The following KIAA1958 variants were observed in gnomAD, a reference collection of about 807,000 sequenced individuals.
KIAA1958 encodes uncharacterized protein KIAA1958.
In KIAA1958, 14 loss-of-function variants were observed where a neutral mutation model predicts 47.2. That is an observed-to-expected ratio of 0.30 (90% CI 0.20 to 0.46). The LOEUF (loss-of-function observed/expected upper bound fraction) is 0.46, where lower values mean the gene tolerates loss of function less well. Ranked by LOEUF, KIAA1958 falls within the 20% of genes least tolerant of loss-of-function variation. The probability of loss-of-function intolerance (pLI) is 1.00; values close to 1 mark genes in which losing one functional copy is unlikely to be tolerated. For missense variants in KIAA1958, 803 were observed against 909.2 expected (o/e 0.88, Z 1.50); for synonymous variants, 354 against 353.3 (o/e 1.00, Z -0.02).
Position 112,571,006 on chromosome 9 carries a change from A to G in KIAA1958, c.-24-3051A>G, listed in dbSNP as rs138929203. On this transcript the variant is annotated intron_variant, in intron 1 of 3. Transcript: ENST00000337530. ...GTCCAAGGCAGCGAAAAAGAAGCCTATGCTAGCTCTCAGAGAGAGAACAAT... is the reference window on the plus strand; with the variant it reads ...GTCCAAGGCAGCGAAAAAGAAGCCTGTGCTAGCTCTCAGAGAGAGAACAAT... 5.8e-4 allele frequency among the ~76,000 whole-genome samples: 88 copies of G among 152,326 alleles called. 1 individual carries two copies. Among genetic ancestry groups the G allele is most frequent in the African/African-American group, 2.1e-3 (88 of 41,576 alleles).
At chr9:112,597,776 C>G (rs1836058925) in intron 2 of KIAA1958, among the ~76,000 whole-genome samples, 1 of 152,078 alleles carries the variant, frequency 6.6e-6, no homozygotes, top group South Asian at 2.1e-4. Flanking sequence ...AGTAAAGTTT[C>G]TAGAAATGAA....
intron 1 of KIAA1958, among the ~76,000 whole-genome samples, chr9:112,502,674 C>G (rs1834163188): frequency 6.6e-6 from 1 of 152,178 alleles, no homozygotes; most frequent in Non-Finnish European, 1.5e-5. Context: ...TTCAATGAAG[C>G]AGTCTAAATT....
intron 2 of KIAA1958, among the ~76,000 whole-genome samples, chr9:112,613,811 T>A (rs763256494): frequency 7.2e-5 from 11 of 152,200 alleles, no homozygotes; most frequent in Non-Finnish European, 1.6e-4. Flanking sequence ...CTTTTCCTCA[T>A]GGTGGGGAAA....
At chr9:112,584,103 G>A (rs1328126043) in intron 2 of KIAA1958, among the ~76,000 whole-genome samples, 1 of 152,012 alleles carries the variant, frequency 6.6e-6, no homozygotes. Flanking sequence ...ATGAGTTTAT[G>A]TTAACAGGAG....
chr9:112,497,009 A>AT (rs1007081717), intron 1 of KIAA1958, among the ~76,000 whole-genome samples: 2 of 151,894 alleles, frequency 1.3e-5, no homozygotes, highest in Non-Finnish European at 2.9e-5. Context: ...TTGTCCACCT[A>AT]TTTTGTTATC....
At chr9:112,526,496 T>C (rs1483803647) in intron 1 of KIAA1958, among the ~76,000 whole-genome samples, 1 of 152,164 alleles carries the variant, frequency 6.6e-6, no homozygotes, top group Non-Finnish European at 1.5e-5. Context: ...TCCACCCGCC[T>C]CAGCCTCCCA....
At chr9:112,615,593 T>C (rs1836396376) in intron 2 of KIAA1958, among the ~76,000 whole-genome samples, 3 of 152,218 alleles carry the variant, frequency 2.0e-5, no homozygotes, top group Admixed American at 6.5e-5. Context: ...CAGAATATTC[T>C]AGTTCTAGTT....
At chr9:112,644,810 A>G (rs986651450) in intron 2 of KIAA1958, among the ~76,000 whole-genome samples, 2 of 152,010 alleles carry the variant, frequency 1.3e-5, no homozygotes, top group African/African-American at 4.8e-5. Context: ...ACCTCTCTCT[A>G]TGAATTTTGT....
chr9:112,656,375 A>G (rs1837151429), intron 3 of KIAA1958, among the ~76,000 whole-genome samples: 5 of 97,290 alleles, frequency 5.1e-5, no homozygotes, highest in Non-Finnish European at 1.1e-4. Flanking sequence ...TCTGTCTCAA[A>G]AAAAAAAAAA....
rs142052605 is a variant in KIAA1958, at chr9:112,561,389, A to G, written c.-24-12668A>G. ...AAATTCTTAATAGAACTGCAGCAAA[A>G]TTATTTCTTGTATCATTAGTTCTTT... On this transcript the variant is annotated intron_variant, in intron 1 of 3. Coordinates refer to ENST00000337530, the MANE Select transcript of KIAA1958 (RefSeq NM_133465.4). Among the ~76,000 whole-genome samples the G allele has an allele frequency of 2.4e-3, 364 of 152,194 alleles. 2 individuals are homozygous for G. The highest frequency in any genetic ancestry group is 8.3e-3 in the African/African-American group (344 of 41,530).
chr9:112,574,053 T>C lies in KIAA1958; in HGVS notation c.-24-4T>C. 7.0e-7 allele frequency: 1 copy of C among 1,426,652 alleles called. No individual in the cohort carries two copies. The highest frequency in any genetic ancestry group is 1.3e-5 in the South Asian group (1 of 76,078). 88.4% of individuals were successfully genotyped at this position (1,426,652 alleles called of 1,614,324 possible). On this transcript the variant is annotated splice_polypyrimidine_tract_variant and splice_region_variant and intron_variant, in intron 1 of 3. Coordinates refer to ENST00000337530, the MANE Select transcript of KIAA1958 (RefSeq NM_133465.4). ...GGCTTCTTCTTTTGATTATTTCCCT[T>C]TAGGAGTGACACTGCTGATCCTGTA...
chr9:112,647,735 G>A (rs1263047081), intron 3 of KIAA1958, among the ~76,000 whole-genome samples: 1 of 152,210 alleles, frequency 6.6e-6, no homozygotes, highest in Non-Finnish European at 1.5e-5. Flanking sequence ...AGAATGGGCT[G>A]CACAGAATGT....
At chr9:112,617,908 G>A (rs1428080222) in intron 2 of KIAA1958, 3 of 1,550,290 alleles carry the variant, frequency 1.9e-6, no homozygotes, top group Non-Finnish European at 2.6e-6. Context: ...GCAGGGAGCA[G>A]AACGAGAAAA....
At chr9:112,503,870 G>C (rs1834186711) in intron 1 of KIAA1958, among the ~76,000 whole-genome samples, 1 of 151,792 alleles carries the variant, frequency 6.6e-6, no homozygotes, top group Non-Finnish European at 1.5e-5. Flanking sequence ...ATAAGGAAAA[G>C]ATTGGAAGGA....
intron 2 of KIAA1958, among the ~76,000 whole-genome samples, chr9:112,604,604 A>G (rs1245255845): frequency 2.6e-5 from 4 of 152,206 alleles, no homozygotes; most frequent in African/African-American, 4.8e-5. Context: ...GACAGCAAGG[A>G]CTGCTAAAAT....
chr9:112,560,198 C>CTTTTTTTTTT (rs745805478), intron 1 of KIAA1958, among the ~76,000 whole-genome samples: 3 of 108,664 alleles, frequency 2.8e-5, no homozygotes, highest in African/African-American at 3.7e-5. Flanking sequence ...TTTTCTTTTT[C>CTTTTTTTTTT]TTTTTTTTTC....
At chr9:112,557,741 T>C (rs1444268843) in intron 1 of KIAA1958, among the ~76,000 whole-genome samples, 1 of 152,188 alleles carries the variant, frequency 6.6e-6, no homozygotes, top group Non-Finnish European at 1.5e-5. Flanking sequence ...GAGAAATCTG[T>C]AAATGTAACT....
intron 1 of KIAA1958, among the ~76,000 whole-genome samples, chr9:112,539,208 C>G (rs540411112): frequency 6.6e-6 from 1 of 152,292 alleles, no homozygotes; most frequent in African/African-American, 2.4e-5. Context: ...ATACCTGAGA[C>G]TATTGGAAAC....
At chr9:112,570,205 GA>G (rs1319786019) in intron 1 of KIAA1958, among the ~76,000 whole-genome samples, 1 of 152,186 alleles carries the variant, frequency 6.6e-6, no homozygotes, top group Non-Finnish European at 1.5e-5. Flanking sequence ...TAACATTGAA[GA>G]ACCTCAGTAT....
Sources: allele counts gnomAD v4.1 joint callset (sites outside exome capture counted in the v4.1 genomes callset), GRCh38; gene constraint gnomAD v4.1.1; transcripts MANE v1.5; gene names NCBI Gene and HGNC (gene_info 2026-07-23, HGNC 2026-07-21).